Variants in FRMD3 observed in about 807,000 individuals in gnomAD.
FRMD3 encodes the protein FERM domain containing 3, also known as FERM domain-containing protein 3.
A neutral mutation model predicts 70.2 loss-of-function variants in FRMD3; 33 were observed. The observed-to-expected ratio is 0.47, with a 90% CI of 0.36 to 0.63. The LOEUF is 0.63. FRMD3 is among the 20% of genes least tolerant of loss of function. The pLI is 0.00. For missense variants in FRMD3, 632 were observed against 711.4 expected (o/e 0.89, Z 1.27); for synonymous variants, 279 against 255.9 (o/e 1.09, Z -0.86).
chr9:83,393,211 T>C (rs560001399), intron 1 of FRMD3, among the ~76,000 whole-genome samples: 1 of 152,372 alleles, frequency 6.6e-6, no homozygotes, highest in South Asian at 2.1e-4. Flanking sequence ...TACTGGTCCT[T>C]ATTATCTATA....
At chr9:83,424,366 G>A (rs1044948490) in intron 1 of FRMD3, among the ~76,000 whole-genome samples, 3 of 152,176 alleles carry the variant, frequency 2.0e-5, no homozygotes, top group African/African-American at 7.2e-5. Context: ...AAAAATTTCA[G>A]GGTTCGAAGC....
At chr9:83,502,039 T>C (rs1048997650) in intron 1 of FRMD3, among the ~76,000 whole-genome samples, 31 of 152,360 alleles carry the variant, frequency 2.0e-4, no homozygotes, top group East Asian at 7.7e-4. Context: ...TCTAGTTATG[T>C]GTCTTGTTCT....
downstream of FRMD3, among the ~76,000 whole-genome samples, chr9:83,243,770 C>T (rs1200880951): frequency 6.6e-6 from 1 of 152,062 alleles, no homozygotes; most frequent in Non-Finnish European, 1.5e-5. Flanking sequence ...CTATTGTATT[C>T]CTGCAATTAA....
intron 13 of FRMD3, among the ~76,000 whole-genome samples, chr9:83,274,950 C>T (rs893652384): frequency 6.6e-6 from 1 of 152,136 alleles, no homozygotes; most frequent in African/African-American, 2.4e-5. Context: ...GGAAGGGTAA[C>T]AAGGCAAGGG....
chr9:83,462,495 T>C (rs1161870133), intron 1 of FRMD3, among the ~76,000 whole-genome samples: 2 of 152,170 alleles, frequency 1.3e-5, no homozygotes, highest in African/African-American at 4.8e-5. Context: ...TGGGAGTCCA[T>C]ATTCCTAGAT....
At chr9:83,316,267 T>C (rs968251411) in intron 6 of FRMD3, among the ~76,000 whole-genome samples, 1 of 150,138 alleles carries the variant, frequency 6.7e-6, no homozygotes, top group Non-Finnish European at 1.5e-5. Context: ...CAAATGATTC[T>C]CCTGCCTCAA....
intron 2 of FRMD3, among the ~76,000 whole-genome samples, chr9:83,374,808 GAGA>G (rs1825091595): frequency 1.3e-5 from 2 of 152,128 alleles, no homozygotes; most frequent in South Asian, 2.1e-4. Context: ...GTGCTTCATG[GAGA>G]AGAAGAATAA....
Position 83,461,751 on chromosome 9 carries a change from C to T in FRMD3, c.148-72043G>A, listed in dbSNP as rs143162525. ...TCATCCATGCTGGAGCGCAGTGGCA[C>T]GATCTCAGCTCATTGCAACCTCTGC... On this transcript the variant is annotated intron_variant, in intron 1 of 13. Coordinates refer to ENST00000304195, the MANE Select transcript of FRMD3 (RefSeq NM_174938.6). Among the ~76,000 whole-genome samples the T allele has an allele frequency of 5.7e-4, 74 of 129,300 alleles. No individual in the cohort carries two copies. In the East Asian group the frequency reaches 0.014, roughly 24 times the overall value. 84.8% of individuals were successfully genotyped at this position (129,300 alleles called of 152,430 possible).
At chr9:83,391,708 T>C (rs902586770) in intron 1 of FRMD3, among the ~76,000 whole-genome samples, 6 of 152,030 alleles carry the variant, frequency 3.9e-5, no homozygotes, top group African/African-American at 1.5e-4. Context: ...GAGAAGAAAA[T>C]GCTGCTGCAG....
At chr9:83,323,172 C>T (rs934016963) in intron 6 of FRMD3, among the ~76,000 whole-genome samples, 1 of 152,170 alleles carries the variant, frequency 6.6e-6, no homozygotes, top group South Asian at 2.1e-4. Flanking sequence ...CAATTCCACT[C>T]ATAGTTATAT....
chr9:83,265,148 C>T (rs1256735758), intron 13 of FRMD3, among the ~76,000 whole-genome samples: 1 of 151,924 alleles, frequency 6.6e-6, no homozygotes, highest in Non-Finnish European at 1.5e-5. Context: ...TGCCTGTAAT[C>T]CCAGTACTAT....
At chr9:83,435,021 G>A (rs1827093969) in intron 1 of FRMD3, among the ~76,000 whole-genome samples, 1 of 151,868 alleles carries the variant, frequency 6.6e-6, no homozygotes, top group Admixed American at 6.6e-5. Context: ...TAGAGATGGG[G>A]TTTCACCATG....
chr9:83,326,463 G>A (rs1414162112), intron 6 of FRMD3, among the ~76,000 whole-genome samples: 1 of 152,162 alleles, frequency 6.6e-6, no homozygotes, highest in Non-Finnish European at 1.5e-5. Context: ...AATTGAAAAT[G>A]TCATACACAG....
rs140449009 is a variant in FRMD3 at position 83,477,396 on chromosome 9, C to T, written c.147+60689G>A. Among the ~76,000 whole-genome samples the T allele has an allele frequency of 8.1e-4, 124 of 152,270 alleles. 1 individual carries two copies. In the East Asian group the frequency reaches 0.022, roughly 27 times the overall value. On this transcript the variant is annotated intron_variant, in intron 1 of 13. Transcript: ENST00000304195. ...TCTGCCCCTAAATCAGAGGTTCTCA[C>T]TTTGGCTGCATTTCAGAGTCACCTG...
At chr9:83,585,638 G>C in the FRMD3 span, among the ~76,000 whole-genome samples, 1 of 152,188 alleles carries the variant, frequency 6.6e-6, no homozygotes, top group Non-Finnish European at 1.5e-5. Flanking sequence ...ACGCTATGTA[G>C]AGAGGCAGAG....
At chr9:83,562,007 C>G in the FRMD3 span, among the ~76,000 whole-genome samples, 1 of 152,122 alleles carries the variant, frequency 6.6e-6, no homozygotes, top group African/African-American at 2.4e-5. Flanking sequence ...CAGCACAATG[C>G]CTGGTACAGG....
intron 8 of FRMD3, 40 bp downstream of exon 8, chr9:83,311,847 T>C: frequency 7.1e-7 from 1 of 1,407,196 alleles, no homozygotes; most frequent in Non-Finnish European, 1.0e-6. Context: ...GAATCAAGAT[T>C]AAGAAAAATG....
the FRMD3 span, among the ~76,000 whole-genome samples, chr9:83,556,630 G>A: frequency 1.3e-5 from 2 of 151,916 alleles, no homozygotes; most frequent in Non-Finnish European, 2.9e-5. Flanking sequence ...TTGTTTCTCA[G>A]TTTTTAATTT....
chr9:83,443,512 T>A (rs1324258402), intron 1 of FRMD3, among the ~76,000 whole-genome samples: 1 of 152,220 alleles, frequency 6.6e-6, no homozygotes, highest in Non-Finnish European at 1.5e-5. Flanking sequence ...GGTGCATATG[T>A]GCCATATTTT....
Sources: allele counts gnomAD v4.1 joint callset (sites outside exome capture counted in the v4.1 genomes callset), GRCh38; gene constraint gnomAD v4.1.1; transcripts MANE v1.5; gene names NCBI Gene and HGNC (gene_info 2026-07-23, HGNC 2026-07-21).